The following TAF2 variants were observed in gnomAD, a reference collection of about 807,000 sequenced individuals.
TAF2 encodes transcription initiation factor TFIID subunit 2.
TAF2 carries 61 observed loss-of-function variants against 138.5 expected under a neutral mutation model. The observed-to-expected ratio is 0.44, with a 90% CI of 0.36 to 0.54. The LOEUF (loss-of-function observed/expected upper bound fraction) is 0.54. Among genes scored for constraint, TAF2 ranks in the 20% least tolerant of loss-of-function variants. The pLI is 0.00. For missense variants in TAF2, 1,090 were observed against 1,427.9 expected (o/e 0.76, Z 3.81); for synonymous variants, 475 against 469.9 (o/e 1.01, Z -0.14).
rs997975203 is a variant in TAF2, at chr8:119,749,078, T to C, written c.2879-2144A>G. ...GATGATCTCAAAATGAGTCATTCAA[T>C]TGTGAATCCCTTAACATTTAAAAAA... On this transcript the variant is annotated intron_variant, in intron 22 of 25. Transcript: ENST00000378164. 6.8e-4 allele frequency among the ~76,000 whole-genome samples: 103 copies of C among 152,312 alleles called. 4 individuals carry two copies. The highest frequency in any genetic ancestry group is 6.7e-3 in the Admixed American group (102 of 15,306).
At chr8:119,818,155 G>A (rs1172008541) in intron 3 of TAF2, among the ~76,000 whole-genome samples, 2 of 152,312 alleles carry the variant, frequency 1.3e-5, no homozygotes, top group East Asian at 1.9e-4. Context: ...TTATGGCAGT[G>A]GTTCTCAAGC....
intron 25 of TAF2, 119 bp from the exon 26 acceptor site, chr8:119,732,305 C>A: frequency 1.1e-6 from 1 of 891,574 alleles, no homozygotes; most frequent in Non-Finnish European, 1.8e-6. Flanking sequence ...TCACTTCTAT[C>A]AGGAATGGGA....
Position 119,806,368 on chromosome 8 carries a change from T to C in TAF2, c.333A>G (p.Ala111=). The C allele has an allele frequency of 1.2e-6, 2 of 1,613,908 alleles. No individual in the cohort carries two copies. Among genetic ancestry groups the C allele is most frequent in the Non-Finnish European group, 1.7e-6 (2 of 1,179,934 alleles). ...CAGGGTCCACAGCACTAACTGCAGC[T>C]GCATAAGCATTGGAAAAATAATTGA... ...RNLNYFSNAY[A]AAVSAVDPDA... Residue 111 remains alanine (A), a synonymous_variant, in exon 4 of 26, where the codon GCA becomes GCG. Transcript: ENST00000378164.
At position 119,788,915 on chromosome 8, in the gene TAF2, G is replaced by A. The variant is rs368720629; in HGVS notation, c.1569-11C>T. 6.5e-7 allele frequency: 1 copy of A among 1,535,840 alleles called. No homozygotes were observed. Among genetic ancestry groups the A allele is most frequent in the Admixed American group, 1.7e-5 (1 of 59,896 alleles). ...ACTCCACTCTGATCTCTGAAGAATT[G>A]TAAAGGAAAGTTTACATACTGAAAC... On this transcript the variant is annotated splice_polypyrimidine_tract_variant and intron_variant, in intron 12 of 25. Transcript: ENST00000378164.
intron 6 of TAF2, among the ~76,000 whole-genome samples, chr8:119,799,502 G>T (rs574877170): frequency 6.6e-6 from 1 of 152,282 alleles, no homozygotes; most frequent in African/African-American, 2.4e-5. Flanking sequence ...TTTTATGGCT[G>T]CATAGTATTC....
chr8:119,831,431 C>T (rs927557216), intron 2 of TAF2, among the ~76,000 whole-genome samples: 4 of 151,444 alleles, frequency 2.6e-5, no homozygotes, highest in Non-Finnish European at 5.9e-5. Context: ...TATTATACAC[C>T]AGATAAAGAG....
chr8:119,825,005 A>G (rs1826011393), intron 2 of TAF2, among the ~76,000 whole-genome samples: 2 of 152,208 alleles, frequency 1.3e-5, no homozygotes, highest in Admixed American at 1.3e-4. Flanking sequence ...CTGTGAGAAG[A>G]GGGCCACCAT....
rs559717401 is a variant in TAF2, at chr8:119,730,896, T to C, written c.*1028A>G. 3.2e-4 allele frequency: 48 copies of C among 152,278 alleles called. No homozygotes were observed. Among genetic ancestry groups the C allele is most frequent in the Non-Finnish European group, 5.9e-4 (40 of 67,994 alleles). 9.4% of individuals were successfully genotyped at this position (152,278 alleles called of 1,614,324 possible). On this transcript the variant is annotated 3_prime_UTR_variant, in exon 26 of 26. Transcript: ENST00000378164. Reference sequence around the variant, plus strand: ...AGGGGAATGATAAAAATTGAACAGATATAAAAAATATTCTTAAACAAATAT... The same window carrying C: ...AGGGGAATGATAAAAATTGAACAGACATAAAAAATATTCTTAAACAAATAT...
intron 18 of TAF2, among the ~76,000 whole-genome samples, chr8:119,763,297 C>T (rs763111823): frequency 3.3e-5 from 5 of 152,212 alleles, no homozygotes; most frequent in Admixed American, 6.5e-5. Context: ...TAAAGTTTTG[C>T]TTTCAGACCA....
chr8:119,785,134 C>T, intron 15 of TAF2, 67 bp downstream of exon 15: 1 of 1,269,916 alleles, frequency 7.9e-7, no homozygotes, highest in East Asian at 2.3e-5. Flanking sequence ...TTTACGTACG[C>T]ATAACAAAGT....
chr8:119,815,558 A>G (rs1382228747), intron 3 of TAF2, among the ~76,000 whole-genome samples: 1 of 151,950 alleles, frequency 6.6e-6, no homozygotes, highest in Non-Finnish European at 1.5e-5. Context: ...TAAAGGCGTG[A>G]GCCACTGCAC....
At chr8:119,812,971 T>G (rs1318500298) in intron 3 of TAF2, among the ~76,000 whole-genome samples, 1 of 152,200 alleles carries the variant, frequency 6.6e-6, no homozygotes, top group Non-Finnish European at 1.5e-5. Flanking sequence ...TAGCCAGTAG[T>G]GAGAACGCCA....
At chr8:119,762,285 G>A (rs1821116502) in intron 19 of TAF2, 130 bp downstream of exon 19, 1 of 833,516 alleles carries the variant, frequency 1.2e-6, no homozygotes. Flanking sequence ...TTATCTGTGG[G>A]TGGTAGAATC....
intron 15 of TAF2, 23 bp downstream of exon 15, chr8:119,785,178 T>C: frequency 3.2e-6 from 5 of 1,581,110 alleles, no homozygotes; most frequent in Non-Finnish European, 4.3e-6. Context: ...ATTATAACCT[T>C]ATATTTAAGT....
In TAF2 at chr8:119,793,886, A is replaced by AT. The variant is rs1264042511; in HGVS notation, c.1192-436dup. Reference sequence around the variant, plus strand: ...ATAAATTGAACTTTTAAAAAGGGGGATTTTTTTTTTTAAACAGAAAAAAAA... The same window carrying AT: ...ATAAATTGAACTTTTAAAAAGGGGGATTTTTTTTTTTTAAACAGAAAAAAAA... On this transcript the variant is annotated intron_variant, in intron 9 of 25. Transcript: ENST00000378164. Among the ~76,000 whole-genome samples the AT allele has an allele frequency of 8.0e-4, 77 of 96,806 alleles. No homozygotes were observed. The Middle Eastern group carries it at 0.026, about 33-fold the overall frequency. 63.5% of individuals were successfully genotyped at this position (96,806 alleles called of 152,430 possible). A position where few individuals can be genotyped will look rare whatever the true frequency, so the allele number is the denominator to read the frequency against.
In TAF2 at chr8:119,751,960, T is replaced by C. The variant is rs531515263; in HGVS notation, c.2878+4046A>G. ...CTATATACTGGGTGGGGTTTAATGA[T>C]CATATTGTCGATATGTAGAATGACC... On this transcript the variant is annotated intron_variant, in intron 22 of 25. Coordinates refer to ENST00000378164, the MANE Select transcript of TAF2 (RefSeq NM_003184.4). Among the ~76,000 whole-genome samples, 357 of 152,234 alleles carry C rather than the reference T, an allele frequency of 2.3e-3. 1 individual carries two copies. Among genetic ancestry groups the C allele is most frequent in the African/African-American group, 8.2e-3 (341 of 41,566 alleles).
chr8:119,744,884 G>C (rs1819850655), intron 23 of TAF2: 3 of 456,182 alleles, frequency 6.6e-6, no homozygotes, highest in South Asian at 4.6e-5. Flanking sequence ...TTCTTACTCT[G>C]ATTTTGAGTT....
At chr8:119,763,088 G>A (rs1426794551) in intron 18 of TAF2, among the ~76,000 whole-genome samples, 1 of 152,168 alleles carries the variant, frequency 6.6e-6, no homozygotes, top group Admixed American at 6.6e-5. Flanking sequence ...AGAATATTTT[G>A]TGATAACACA....
At chr8:119,830,664 T>A in intron 2 of TAF2, among the ~76,000 whole-genome samples, 1 of 152,244 alleles carries the variant, frequency 6.6e-6, no homozygotes, top group South Asian at 2.1e-4. Flanking sequence ...CATTTTTCTA[T>A]CTATTCAGCT....
Sources: allele counts gnomAD v4.1 joint callset (sites outside exome capture counted in the v4.1 genomes callset), GRCh38; gene constraint gnomAD v4.1.1; transcripts MANE v1.5; gene names NCBI Gene and HGNC (gene_info 2026-07-23, HGNC 2026-07-21).